The following CAMTA1 variants were observed in gnomAD, a reference collection of about 807,000 sequenced individuals.
The protein encoded by CAMTA1 is calmodulin-binding transcription activator 1.
CAMTA1 carries 27 observed loss-of-function variants against 170.9 expected under a neutral mutation model. The ratio of observed to expected loss-of-function variants is 0.16; its 90% confidence interval spans 0.12 to 0.22. The LOEUF (loss-of-function observed/expected upper bound fraction) is 0.22, where lower values mean the gene tolerates loss of function less well. CAMTA1 is among the 10% of genes least tolerant of loss of function. CAMTA1 has a pLI of 1.00. For synonymous variants in CAMTA1, 833 were observed against 891.5 expected, an observed-to-expected ratio of 0.93 and a Z score of 1.17; for missense variants, 1,619 against 2,217.2, an observed-to-expected ratio of 0.73 and a Z score of 5.42.
chr1:6,824,829 G>A (rs1004711216), intron 2 of CAMTA1, among the ~76,000 whole-genome samples: 2 of 152,116 alleles, frequency 1.3e-5, no homozygotes, highest in African/African-American at 4.8e-5. Flanking sequence ...TCGGTTATGG[G>A]CAGCTGCGGG....
chr1:7,356,485 G>A (rs534215755), intron 5 of CAMTA1, among the ~76,000 whole-genome samples: 43 of 152,352 alleles, frequency 2.8e-4, no homozygotes, highest in African/African-American at 1.0e-3. Context: ...GAGCCTCAGA[G>A]CCTCTTCCTC....
At chr1:7,546,248 G>A (rs867672957) in intron 6 of CAMTA1, among the ~76,000 whole-genome samples, 4 of 152,130 alleles carry the variant, frequency 2.6e-5, no homozygotes, top group Non-Finnish European at 4.4e-5. Flanking sequence ...GAGCCACTGC[G>A]CCCGGCCTGG....
intron 6 of CAMTA1, among the ~76,000 whole-genome samples, chr1:7,632,057 C>T (rs1161285317): frequency 6.6e-6 from 1 of 152,210 alleles, no homozygotes; most frequent in Admixed American, 6.5e-5. Context: ...TATCCCGTCC[C>T]TAATAAACCC....
At chr1:7,512,568 G>A (rs901388389) in intron 6 of CAMTA1, among the ~76,000 whole-genome samples, 2 of 152,226 alleles carry the variant, frequency 1.3e-5, no homozygotes, top group Non-Finnish European at 2.9e-5. Flanking sequence ...CCCTGGACCT[G>A]GACTGGGGCT....
intron 3 of CAMTA1, among the ~76,000 whole-genome samples, chr1:7,025,153 G>A (rs1262458536): frequency 1.3e-5 from 2 of 152,340 alleles, no homozygotes; most frequent in South Asian, 2.1e-4. Flanking sequence ...AGCTATGTGC[G>A]TAATGAGATG....
chr1:6,989,528 G>T (rs1461292698), intron 3 of CAMTA1, among the ~76,000 whole-genome samples: 1 of 152,178 alleles, frequency 6.6e-6, no homozygotes, highest in East Asian at 1.9e-4. Context: ...AGTGGGAATT[G>T]AAAGTTTTTT....
rs1477702006 is a variant in CAMTA1 at position 7,249,292 on chromosome 1, G to C, written c.303-199G>C. Among the ~76,000 whole-genome samples the C allele has an allele frequency of 1.3e-5, 2 of 152,084 alleles. No homozygotes were observed. The highest frequency in any genetic ancestry group is 2.1e-4 in the South Asian group (1 of 4,818). Reference sequence around the variant, plus strand: ...ATCATTGACACATTTAATTCATTAGGTACCAAATCCAAAGCAAATTTTGGC... The same window carrying C: ...ATCATTGACACATTTAATTCATTAGCTACCAAATCCAAAGCAAATTTTGGC... On this transcript the variant is annotated intron_variant, in intron 4 of 22. Coordinates refer to ENST00000303635, the MANE Select transcript of CAMTA1 (RefSeq NM_015215.4). The surrounding 1 kb of genome is among the most constrained non-coding windows in gnomAD (Gnocchi z 4.4).
chr1:7,303,540 C>T (rs1031335586), intron 5 of CAMTA1, among the ~76,000 whole-genome samples: 3 of 152,056 alleles, frequency 2.0e-5, no homozygotes, highest in African/African-American at 7.3e-5. Context: ...ATTTTCTTAC[C>T]CTTTTGTTGG....
chr1:7,575,196 ATTC>A (rs2095175749), intron 6 of CAMTA1, among the ~76,000 whole-genome samples: 1 of 152,156 alleles, frequency 6.6e-6, no homozygotes, highest in South Asian at 2.1e-4. Context: ...CTTTGTGGTT[ATTC>A]TTTGCTGAAT....
intron 3 of CAMTA1, among the ~76,000 whole-genome samples, chr1:6,912,766 C>T (rs907738373): frequency 1.3e-5 from 2 of 152,236 alleles, no homozygotes; most frequent in Admixed American, 6.5e-5. Flanking sequence ...CATACTGCCC[C>T]ACACTGAGCT....
At chr1:7,295,273 A>G (rs1466249636) in intron 5 of CAMTA1, among the ~76,000 whole-genome samples, 1 of 152,160 alleles carries the variant, frequency 6.6e-6, no homozygotes, top group Non-Finnish European at 1.5e-5. Context: ...CAATGCTGTC[A>G]TGGGACCCAT....
At chr1:7,701,060 T>G (rs571691537) in intron 11 of CAMTA1, 2 of 152,380 alleles carry the variant, frequency 1.3e-5, no homozygotes, top group South Asian at 4.1e-4. Context: ...TGTAGAAATT[T>G]CCAGACTGTT....
chr1:7,268,737 A>T (rs974009745), intron 5 of CAMTA1, among the ~76,000 whole-genome samples: 1 of 152,270 alleles, frequency 6.6e-6, no homozygotes, highest in African/African-American at 2.4e-5. Flanking sequence ...ACTCAACAGT[A>T]TATCATTCAC....
intron 5 of CAMTA1, among the ~76,000 whole-genome samples, chr1:7,385,974 G>A (rs186650415): frequency 6.6e-6 from 1 of 152,150 alleles, no homozygotes; most frequent in Non-Finnish European, 1.5e-5. Context: ...TGGGTGTTGC[G>A]TGTGCCTCCC....
chr1:7,061,114 G>A (rs996985686), intron 3 of CAMTA1, among the ~76,000 whole-genome samples: 6 of 152,278 alleles, frequency 3.9e-5, no homozygotes, highest in African/African-American at 1.2e-4. Context: ...TATTTGGCTC[G>A]CTGAGGAGAT....
Position 7,217,725 on chromosome 1 carries a change from G to C in CAMTA1, c.303-31766G>C, listed in dbSNP as rs550506024. Among the ~76,000 whole-genome samples the C allele has an allele frequency of 1.3e-4, 19 of 151,776 alleles. No individual in the cohort carries two copies. In the South Asian group the frequency reaches 4.0e-3, roughly 32 times the overall value. ...GTCTCTTACTAACTTTTACCATTTG[G>C]TCTTTCAGTTGTTAATGGAGTCTCT... On this transcript the variant is annotated intron_variant, in intron 4 of 22. Coordinates refer to ENST00000303635, the MANE Select transcript of CAMTA1 (RefSeq NM_015215.4).
At chr1:7,758,889 A>T (rs912913371) in intron 22 of CAMTA1, among the ~76,000 whole-genome samples, 4 of 145,592 alleles carry the variant, frequency 2.7e-5, no homozygotes, top group Non-Finnish European at 6.0e-5. Flanking sequence ...GAGCCGAGAT[A>T]GCGCCACTGC....
At chr1:7,661,587 C>T (rs1034859483) in intron 7 of CAMTA1, 139 bp from the exon 8 acceptor site, 9 of 933,388 alleles carry the variant, frequency 9.6e-6, no homozygotes, top group Non-Finnish European at 1.3e-5. Flanking sequence ...CTCCCCTACT[C>T]ATCAATTCGC....
intron 4 of CAMTA1, among the ~76,000 whole-genome samples, chr1:7,206,144 T>C (rs1272230219): frequency 6.6e-6 from 1 of 152,184 alleles, no homozygotes; most frequent in Non-Finnish European, 1.5e-5. Flanking sequence ...TATGTTCCCA[T>C]TGAGGCTTTT....
Sources: allele counts gnomAD v4.1 joint callset (sites outside exome capture counted in the v4.1 genomes callset), GRCh38; gene constraint gnomAD v4.1.1; non-coding constraint Gnocchi (gnomAD v3.1); transcripts MANE v1.5; gene names NCBI Gene and HGNC (gene_info 2026-07-23, HGNC 2026-07-21).